Variants in INPP4B observed in about 807,000 individuals in gnomAD.
INPP4B encodes inositol polyphosphate-4-phosphatase type II B, also known as inositol polyphosphate 4-phosphatase type II.
INPP4B carries 55 observed loss-of-function variants against 122.5 expected under a neutral mutation model. The observed-to-expected ratio is 0.45, with a 90% CI of 0.36 to 0.56. The LOEUF (loss-of-function observed/expected upper bound fraction) is 0.56. Ranked by LOEUF, INPP4B falls within the 20% of genes least tolerant of loss-of-function variation. INPP4B has a pLI of 0.00. For missense variants in INPP4B, 1,000 were observed against 1,097.7 expected, an observed-to-expected ratio of 0.91 and a Z score of 1.26; for synonymous variants, 403 against 388.7, an observed-to-expected ratio of 1.04 and a Z score of -0.43.
At chr4:142,569,313 AAAC>A (rs1278687684) in intron 2 of INPP4B, among the ~76,000 whole-genome samples, 1 of 151,746 alleles carries the variant, frequency 6.6e-6, no homozygotes, top group Non-Finnish European at 1.5e-5. Context: ...TTTTTGCTAA[AAAC>A]AACATATTCC....
intron 23 of INPP4B, among the ~76,000 whole-genome samples, chr4:142,090,265 T>G (rs1320742699): frequency 1.3e-5 from 2 of 150,080 alleles, no homozygotes; most frequent in Non-Finnish European, 3.0e-5. Context: ...TCTCCCATGG[T>G]GTGCTTCTTA....
chr4:142,354,044 G>A (rs1185150909), intron 7 of INPP4B, among the ~76,000 whole-genome samples: 2 of 151,734 alleles, frequency 1.3e-5, no homozygotes, highest in East Asian at 3.9e-4. Flanking sequence ...AGGTCACAGA[G>A]CAAAACCTAA....
intron 2 of INPP4B, among the ~76,000 whole-genome samples, chr4:142,699,510 G>C (rs1014025523): frequency 6.6e-6 from 1 of 152,116 alleles, no homozygotes; most frequent in African/African-American, 2.4e-5. Flanking sequence ...CTGTGTGGTT[G>C]AATGTGTCTG....
intron 18 of INPP4B, among the ~76,000 whole-genome samples, chr4:142,131,750 G>A (rs769181628): frequency 6.6e-6 from 1 of 152,312 alleles, no homozygotes; most frequent in East Asian, 1.9e-4. Context: ...GAGGGTGGGA[G>A]TTCGAGACCA....
Position 142,652,324 on chromosome 4 carries a change from C to T in INPP4B, c.-191+73515G>A, listed in dbSNP as rs539955772. On this transcript the variant is annotated intron_variant, in intron 2 of 25. Transcript: ENST00000262992. ...GAAAACCAGCACAAGACAAGAATGCCCTCTCTCACCACTCCTATTCAACAT... is the reference window on the plus strand; with the variant it reads ...GAAAACCAGCACAAGACAAGAATGCTCTCTCTCACCACTCCTATTCAACAT... 2.6e-5 allele frequency among the ~76,000 whole-genome samples: 4 copies of T among 152,222 alleles called. No homozygotes were observed. In the South Asian group the frequency reaches 6.2e-4, roughly 24 times the overall value.
chr4:142,676,313 A>G (rs1757765100), intron 2 of INPP4B, among the ~76,000 whole-genome samples: 1 of 152,178 alleles, frequency 6.6e-6, no homozygotes, highest in Admixed American at 6.5e-5. Flanking sequence ...TTCAAGGAGA[A>G]CTACAAACCA....
intron 3 of INPP4B, among the ~76,000 whole-genome samples, chr4:142,450,460 T>C (rs1813887221): frequency 6.6e-6 from 1 of 152,218 alleles, no homozygotes; most frequent in Non-Finnish European, 1.5e-5. Flanking sequence ...GAATCAATTC[T>C]ATAAAATACC....
At chr4:142,204,865 C>T (rs960508983) in intron 14 of INPP4B, among the ~76,000 whole-genome samples, 2 of 152,010 alleles carry the variant, frequency 1.3e-5, no homozygotes, top group African/African-American at 4.8e-5. Flanking sequence ...AGACTTCCAG[C>T]CCCCAGAATT....
rs1344102935 is a variant in INPP4B at position 142,246,115 on chromosome 4, T to TA, written c.689-8105dup. Among the ~76,000 whole-genome samples the TA allele has an allele frequency of 3.6e-5, 5 of 140,814 alleles. 1 individual carries two copies. Among genetic ancestry groups the TA allele is most frequent in the African/African-American group, 1.3e-4 (4 of 31,708 alleles). The allele number at this position is 140,814 out of a possible 152,430, so 92.4% of individuals were successfully genotyped here. The stretch of plus-strand genomic sequence containing the variant: ...GTGTGTGTGTATACACACATATATA[T>TA]ATGTGTATGTATACACACACATATA... On this transcript the variant is annotated intron_variant, in intron 11 of 25. Coordinates refer to ENST00000262992, the MANE Select transcript of INPP4B (RefSeq NM_001101669.3).
chr4:142,123,521 T>C (rs1302516707), intron 19 of INPP4B, 106 bp from the exon 20 acceptor site: 4 of 1,055,666 alleles, frequency 3.8e-6, no homozygotes, highest in Middle Eastern at 2.8e-4. Context: ...TTATCAGGTA[T>C]GTATAACAAA....
chr4:142,460,412 G>C (rs1221188378), intron 3 of INPP4B, among the ~76,000 whole-genome samples: 3 of 152,140 alleles, frequency 2.0e-5, no homozygotes, highest in African/African-American at 7.2e-5. Context: ...TTTGGTGTCA[G>C]ATAACATGCT....
chr4:142,023,161 A>G lies in INPP4B; in HGVS notation c.*5621T>C, dbSNP rs1735990507. On this transcript the variant is annotated 3_prime_UTR_variant, in exon 26 of 26. Coordinates refer to ENST00000262992, the MANE Select transcript of INPP4B (RefSeq NM_001101669.3). ...AATGGGGAGAAAAAGACAGAAACATAAAAAATAAAAATCATTTATTTAAAC... is the reference window on the plus strand; with the variant it reads ...AATGGGGAGAAAAAGACAGAAACATGAAAAATAAAAATCATTTATTTAAAC... 1 of 152,202 alleles carries G rather than the reference A, an allele frequency of 6.6e-6. No individual in the cohort carries two copies. 9.4% of individuals were successfully genotyped at this position (152,202 alleles called of 1,614,324 possible).
At chr4:142,225,538 G>C (rs1851169913) in intron 12 of INPP4B, among the ~76,000 whole-genome samples, 1 of 148,444 alleles carries the variant, frequency 6.7e-6, no homozygotes, top group African/African-American at 2.5e-5. Context: ...ATATGTATAA[G>C]TATATATATA....
intron 7 of INPP4B, among the ~76,000 whole-genome samples, chr4:142,379,312 G>A (rs1411515673): frequency 6.6e-6 from 1 of 152,064 alleles, no homozygotes; most frequent in African/African-American, 2.4e-5. Context: ...TGCAACCTCA[G>A]CATTTAGCTC....
Position 142,804,274 on chromosome 4 carries a change from T to A in INPP4B, c.-254+41935A>T, listed in dbSNP as rs1333356817. Among the ~76,000 whole-genome samples, 4 of 152,288 alleles carry A rather than the reference T, an allele frequency of 2.6e-5. No homozygotes were observed. In the East Asian group the frequency reaches 7.7e-4, roughly 29 times the overall value. On this transcript the variant is annotated intron_variant, in intron 1 of 25. Coordinates refer to ENST00000262992, the MANE Select transcript of INPP4B (RefSeq NM_001101669.3). ...TGCCAAAGACTTCCCATTTCACTCA[T>A]GGTAATACCGAAATTCTTACACTAA...
chr4:142,492,664 G>A lies in INPP4B; in HGVS notation c.-190-29938C>T, dbSNP rs576445500. 1.6e-4 allele frequency among the ~76,000 whole-genome samples: 24 copies of A among 152,284 alleles called. No homozygotes were observed. The East Asian group carries it at 4.5e-3, about 28-fold the overall frequency. ...TAGAGATCTGTGGAACTTTGAACTT[G>A]AGAGAGATAATTTAGGGTATCTAAG... On this transcript the variant is annotated intron_variant, in intron 2 of 25. Transcript: ENST00000262992.
At chr4:142,675,072 GT>G (rs1314450965) in intron 2 of INPP4B, among the ~76,000 whole-genome samples, 2 of 152,118 alleles carry the variant, frequency 1.3e-5, no homozygotes, top group East Asian at 3.9e-4. Context: ...CCAGGAGGTG[GT>G]TTTTTGAAAA....
chr4:142,316,635 C>A (rs1767805412), intron 7 of INPP4B, among the ~76,000 whole-genome samples: 1 of 151,952 alleles, frequency 6.6e-6, no homozygotes, highest in Non-Finnish European at 1.5e-5. Flanking sequence ...CAAAGATATA[C>A]ACTTAAATTT....
chr4:142,287,940 T>G (rs2150918856), intron 9 of INPP4B, among the ~76,000 whole-genome samples: 1 of 152,294 alleles, frequency 6.6e-6, no homozygotes, highest in Non-Finnish European at 1.5e-5. Flanking sequence ...TCTTCCTGGC[T>G]TGCCAGTGGC....
Sources: gnomAD v4.1 joint callset for allele counts (sites outside exome capture counted in the v4.1 genomes callset) on GRCh38, gnomAD v4.1.1 for gene constraint, MANE v1.5 for transcripts, NCBI Gene and HGNC (gene_info 2026-07-23, HGNC 2026-07-21) for gene names.